Variants in MAP1B observed in about 807,000 individuals in gnomAD.
MAP1B encodes the protein microtubule-associated protein 1B.
A neutral mutation model predicts 176.1 loss-of-function variants in MAP1B; 12 were observed. The ratio of observed to expected loss-of-function variants is 0.07; its 90% confidence interval spans 0.04 to 0.11. MAP1B has a LOEUF of 0.11. Ranked by LOEUF, MAP1B falls within the 10% of genes least tolerant of loss-of-function variation. MAP1B has a pLI of 1.00. For missense variants in MAP1B, 2,523 were observed against 2,990.5 expected, an observed-to-expected ratio of 0.84 and a Z score of 3.65; for synonymous variants, 1,044 against 1,135.0, an observed-to-expected ratio of 0.92 and a Z score of 1.61.
At chr5:72,116,107 AG>A in intron 2 of MAP1B, 1 of 331,196 alleles carries the variant, frequency 3.0e-6, no homozygotes, top group Non-Finnish European at 5.8e-6. Context: ...CTTGAGAAAG[AG>A]AGAGAGAGAA....
At chr5:72,179,285 G>T (rs776835078) in intron 2 of MAP1B, among the ~76,000 whole-genome samples, 1 of 152,120 alleles carries the variant, frequency 6.6e-6, no homozygotes, top group East Asian at 1.9e-4. Context: ...GACCGATGCC[G>T]GGGAAAGTTA....
intron 2 of MAP1B, among the ~76,000 whole-genome samples, chr5:72,183,392 T>A (rs114232159): frequency 6.6e-6 from 1 of 152,066 alleles, no homozygotes; most frequent in African/African-American, 2.4e-5. Context: ...CCAATTACCA[T>A]GAGAAAGGAA....
chr5:72,145,281 C>G (rs998119645), intron 2 of MAP1B, among the ~76,000 whole-genome samples: 1 of 151,556 alleles, frequency 6.6e-6, no homozygotes, highest in African/African-American at 2.4e-5. Flanking sequence ...TATTTCTCTG[C>G]CAAAAGAAAA....
intron 2 of MAP1B, among the ~76,000 whole-genome samples, chr5:72,129,052 T>TGA (rs1341090706): frequency 6.6e-6 from 1 of 152,162 alleles, no homozygotes. Context: ...GTAAGAGAGA[T>TGA]GAGAAGTGAG....
chr5:72,158,419 C>T (rs183305638), intron 2 of MAP1B, among the ~76,000 whole-genome samples: 47 of 152,198 alleles, frequency 3.1e-4, no homozygotes, highest in Non-Finnish European at 5.9e-5. Context: ...TCACTTCATA[C>T]AACGATTTAG....
intron 2 of MAP1B, among the ~76,000 whole-genome samples, chr5:72,138,790 C>A (rs1745884989): frequency 1.3e-5 from 2 of 152,104 alleles, no homozygotes; most frequent in Admixed American, 1.3e-4. Flanking sequence ...CAATTTGATA[C>A]CAAAATAATT....
chr5:72,194,103 A>T lies in MAP1B; in HGVS notation c.748A>T (p.Thr250Ser). 1.9e-6 allele frequency: 3 copies of T among 1,614,188 alleles called. No homozygotes were observed. Among genetic ancestry groups the T allele is most frequent in the Non-Finnish European group, 2.5e-6 (3 of 1,180,042 alleles). ...PSPFDILEPP[T>S]SGGFLKLSKP... ...TCCCTTTGACATCTTGGAACCTCCCACATCGGGTGGATTTCTGAAGCTCTC... is the reference window on the plus strand; with the variant it reads ...TCCCTTTGACATCTTGGAACCTCCCTCATCGGGTGGATTTCTGAAGCTCTC... The change falls in exon 5 of 7, where the codon ACA becomes TCA. Residue 250 changes from threonine to serine, a missense_variant. Around this residue, in one of 4 missense-constraint regions of MAP1B, gnomAD observed 307 missense variants for 438.4 expected, o/e 0.70. Coordinates refer to ENST00000296755, the MANE Select transcript of MAP1B (RefSeq NM_005909.5). The surrounding 1 kb of genome is among the most constrained non-coding windows in gnomAD (Gnocchi z 7.2).
intron 2 of MAP1B, among the ~76,000 whole-genome samples, chr5:72,129,926 G>C (rs975088723): frequency 6.6e-6 from 1 of 152,046 alleles, no homozygotes; most frequent in African/African-American, 2.4e-5. Context: ...TGGAGCCTTT[G>C]GAATAACATT....
intron 2 of MAP1B, among the ~76,000 whole-genome samples, chr5:72,122,959 GTTT>G (rs534097352): frequency 2.0e-5 from 3 of 151,850 alleles, no homozygotes; most frequent in Non-Finnish European, 2.9e-5. Flanking sequence ...TTTTTTAAAG[GTTT>G]TTTTTAAGTA....
At chr5:72,193,235 A>G in intron 4 of MAP1B, 1 of 386,106 alleles carries the variant, frequency 2.6e-6, no homozygotes, top group South Asian at 1.8e-5. Context: ...CTTGTCTCCT[A>G]TGGGGAAAAA....
At position 72,198,897 on chromosome 5, in the gene MAP1B, A is replaced by C; in HGVS notation, c.5542A>C (p.Asn1848His). The change falls in exon 5 of 7, where the codon AAT becomes CAT. Residue 1848 changes from asparagine (N) to histidine (H), a missense_variant. Around this residue, in one of 4 missense-constraint regions of MAP1B, gnomAD observed 1,925 missense variants for 2,126.0 expected, o/e 0.91. Transcript: ENST00000296755. The stretch of plus-strand genomic sequence containing the variant: ...TACAATGCAACACCATCTAGCCTTG[A>C]ATAGAGATTTGTCCACACCTGGCCT... ...FDTMQHHLAL[N>H]RDLSTPGLEK... 1 of 1,614,206 alleles carries C rather than the reference A, an allele frequency of 6.2e-7. No individual in the cohort carries two copies. The highest frequency in any genetic ancestry group is 8.5e-7 in the Non-Finnish European group (1 of 1,180,040).
rs146506118 is a variant in MAP1B, at chr5:72,197,796, G to A, written c.4441G>A (p.Val1481Ile). The change falls in exon 5 of 7, where the codon GTT becomes ATT. Residue 1481 changes from valine to isoleucine, a missense_variant. By Grantham distance (29) the Val-to-Ile change is conservative. Coordinates refer to ENST00000296755, the MANE Select transcript of MAP1B (RefSeq NM_005909.5). ...TGGCCAAGAAAAGAAAACTGATGAT[G>A]TTGAAGCCATGAGTTCTCAACCAGC... The part of the protein sequence containing the change: ...DFGQEKKTDD[V>I]EAMSSQPALA... 9.3e-6 allele frequency: 15 copies of A among 1,614,114 alleles called. No individual in the cohort carries two copies. The highest frequency in any genetic ancestry group is 5.3e-5 in the African/African-American group (4 of 74,938).
In MAP1B at chr5:72,195,780, A is replaced by G. The variant is rs1252730280; in HGVS notation, c.2425A>G (p.Met809Val). Reference protein sequence around the residue: ...VGTGATTAAVMAAAGIAAIGP... With the variant: ...VGTGATTAAVVAAAGIAAIGP... ...CACTGGAGCCACCACAGCAGCTGTCATGGCGGCAGCTGGAATAGCAGCCAT... is the reference window on the plus strand; with the variant it reads ...CACTGGAGCCACCACAGCAGCTGTCGTGGCGGCAGCTGGAATAGCAGCCAT... Residue 809 changes from methionine (M) to valine (V), a missense_variant, in exon 5 of 7, where the codon ATG becomes GTG. By Grantham distance (21) the Met-to-Val change is conservative. This residue lies in a region of MAP1B where 1,925 missense variants were observed against 2,126.0 expected (regional missense o/e 0.91). Coordinates refer to ENST00000296755, the MANE Select transcript of MAP1B (RefSeq NM_005909.5). 1.2e-6 allele frequency: 2 copies of G among 1,614,058 alleles called. No individual in the cohort carries two copies. The highest frequency in any genetic ancestry group is 1.7e-5 in the Admixed American group (1 of 60,014).
At chr5:72,129,054 A>G (rs1198407014) in intron 2 of MAP1B, among the ~76,000 whole-genome samples, 7 of 152,220 alleles carry the variant, frequency 4.6e-5, no homozygotes, top group African/African-American at 1.7e-4. Flanking sequence ...AAGAGAGATG[A>G]GAAGTGAGAT....
intron 2 of MAP1B, among the ~76,000 whole-genome samples, chr5:72,122,282 T>G (rs1745544421): frequency 6.6e-6 from 1 of 151,970 alleles, no homozygotes; most frequent in African/African-American, 2.4e-5. Flanking sequence ...TGCTGTCCGC[T>G]CTCACCCCAG....
At chr5:72,174,901 CTCCCTCCTTCCT>C (rs1475030058) in intron 2 of MAP1B, among the ~76,000 whole-genome samples, 3 of 146,440 alleles carry the variant, frequency 2.0e-5, no homozygotes, top group Admixed American at 2.0e-4. Context: ...CCTTCCCTCC[CTCCCTCCTTCCT>C]TCCCTCCTTC....
At chr5:72,134,429 C>T (rs1398479003) in intron 2 of MAP1B, among the ~76,000 whole-genome samples, 1 of 152,182 alleles carries the variant, frequency 6.6e-6, no homozygotes, top group African/African-American at 2.4e-5. Flanking sequence ...TTACATTTGT[C>T]TCCAGCTTCT....
Position 72,188,088 on chromosome 5 carries a change from C to T in MAP1B, c.510+1334C>T, listed in dbSNP as rs189183271. On this transcript the variant is annotated intron_variant, in intron 4 of 6. Transcript: ENST00000296755. ...TTCACGCATCTTGCCTCATTCATCT[C>T]GGTATCCATTGCACCTGCACATAGT... Among the ~76,000 whole-genome samples the T allele has an allele frequency of 1.8e-4, 28 of 152,310 alleles. No individual in the cohort carries two copies. In the East Asian group the frequency reaches 3.9e-3, roughly 21 times the overall value.
At chr5:72,159,164 GAA>G (rs1746283837) in intron 2 of MAP1B, among the ~76,000 whole-genome samples, 1 of 152,130 alleles carries the variant, frequency 6.6e-6, no homozygotes, top group Non-Finnish European at 1.5e-5. Context: ...CTCTAGAAGA[GAA>G]GGAACCTTGT....
Sources: allele counts gnomAD v4.1 joint callset (sites outside exome capture counted in the v4.1 genomes callset), GRCh38; gene constraint gnomAD v4.1.1; regional missense constraint gnomAD v4.1.1; non-coding constraint Gnocchi (gnomAD v3.1); transcripts MANE v1.5; gene names NCBI Gene and HGNC (gene_info 2026-07-23, HGNC 2026-07-21).